EPHB2: variants seen among roughly 807,000 people sequenced by gnomAD.
EPHB2 encodes EPH receptor B2, also known as ephrin type-B receptor 2.
In EPHB2, 18 loss-of-function variants were observed where a neutral mutation model predicts 96.4. The observed-to-expected ratio is 0.19, with a 90% CI of 0.13 to 0.28. EPHB2 has a LOEUF of 0.28. Among genes scored for constraint, EPHB2 ranks in the 10% least tolerant of loss-of-function variants. The pLI is 1.00. For missense variants in EPHB2, 989 were observed against 1,355.4 expected, an observed-to-expected ratio of 0.73 and a Z score of 4.25; for synonymous variants, 506 against 534.1, an observed-to-expected ratio of 0.95 and a Z score of 0.72.
At chr1:22,801,617 C>T (rs775220114) in intron 3 of EPHB2, among the ~76,000 whole-genome samples, 17 of 152,128 alleles carry the variant, frequency 1.1e-4, no homozygotes, top group South Asian at 2.1e-4. Flanking sequence ...AGACCCCACA[C>T]GAGGGGATGG....
chr1:22,905,130 C>T (rs977852354), intron 9 of EPHB2, among the ~76,000 whole-genome samples: 4 of 152,214 alleles, frequency 2.6e-5, no homozygotes, highest in African/African-American at 9.6e-5. Flanking sequence ...AGCATTTTGC[C>T]GACTCAGTGC....
At chr1:22,820,868 A>G (rs191709033) in intron 3 of EPHB2, among the ~76,000 whole-genome samples, 4 of 152,376 alleles carry the variant, frequency 2.6e-5, no homozygotes, top group African/African-American at 7.2e-5. Context: ...CGCTCAGATT[A>G]TTGGTGCTAG....
At chr1:22,758,837 A>G (rs984355952) in intron 1 of EPHB2, among the ~76,000 whole-genome samples, 22 of 144,486 alleles carry the variant, frequency 1.5e-4, no homozygotes, top group African/African-American at 4.0e-4. Flanking sequence ...CCTGGTACCT[A>G]TTGGGGGCCC....
At chr1:22,771,440 T>G (rs1190868949) in intron 1 of EPHB2, among the ~76,000 whole-genome samples, 1 of 151,926 alleles carries the variant, frequency 6.6e-6, no homozygotes, top group Non-Finnish European at 1.5e-5. Context: ...AACTGTGGAG[T>G]GAGGCTGTGT....
intron 1 of EPHB2, among the ~76,000 whole-genome samples, chr1:22,737,453 T>C (rs559350026): frequency 6.6e-6 from 1 of 152,340 alleles, no homozygotes; most frequent in South Asian, 2.1e-4. Context: ...ATAGGTTTCA[T>C]ACATACATGT....
At chr1:22,730,025 G>A (rs781676816) in intron 1 of EPHB2, among the ~76,000 whole-genome samples, 4 of 152,238 alleles carry the variant, frequency 2.6e-5, no homozygotes, top group Non-Finnish European at 4.4e-5. Flanking sequence ...TTAATTGAAC[G>A]GAGTGGGATT....
Position 22,748,165 on chromosome 1 carries a change from T to C in EPHB2, c.62-33256T>C, listed in dbSNP as rs147958081. On this transcript the variant is annotated intron_variant, in intron 1 of 15. Transcript: ENST00000374630. ...CAATTTCACTGGGTTACTGTGAACA[T>C]TCAATGTGTTTCCACACGTGAAGCT... Among the ~76,000 whole-genome samples the C allele has an allele frequency of 2.2e-3, 328 of 152,330 alleles. 2 individuals carry two copies. Among genetic ancestry groups the C allele is most frequent in the South Asian group, 0.011 (53 of 4,824 alleles).
chr1:22,828,396 G>A (rs950750463), intron 3 of EPHB2, among the ~76,000 whole-genome samples: 4 of 152,164 alleles, frequency 2.6e-5, no homozygotes, highest in East Asian at 3.9e-4. Flanking sequence ...CAGCCCAGCC[G>A]TGCCCACCCC....
At chr1:22,852,536 C>T (rs1174790588) in intron 3 of EPHB2, among the ~76,000 whole-genome samples, 1 of 152,204 alleles carries the variant, frequency 6.6e-6, no homozygotes, top group African/African-American at 2.4e-5. Context: ...GCTCTCAGCC[C>T]CCACTGTGGG....
At chr1:22,800,128 C>T (rs1039664887) in intron 3 of EPHB2, 2 of 152,290 alleles carry the variant, frequency 1.3e-5, no homozygotes, top group Non-Finnish European at 2.9e-5. Context: ...CCCGGAGACC[C>T]GGGAGGGATG....
In EPHB2 at chr1:22,910,483, C is replaced by T; in HGVS notation, c.2604C>T (p.Asn868=). The T allele has an allele frequency of 1.9e-6, 3 of 1,613,096 alleles. No homozygotes were observed. Among genetic ancestry groups the T allele is most frequent in the Non-Finnish European group, 2.5e-6 (3 of 1,180,026 alleles). Residue 868 remains asparagine (N), a synonymous_variant, in exon 14 of 16, where the codon AAC becomes AAT. Coordinates refer to ENST00000374630, the MANE Select transcript of EPHB2 (RefSeq NM_017449.5). Reference sequence around the variant, plus strand: ...TGGACTGTTGGCAGAAGGACCGCAACCACCGGCCCAAGTTCGGCCAAATTG... The same window carrying T: ...TGGACTGTTGGCAGAAGGACCGCAATCACCGGCCCAAGTTCGGCCAAATTG... ...LMLDCWQKDR[N]HRPKFGQIVN...
chr1:22,796,312 G>T (rs1204402504), intron 3 of EPHB2, among the ~76,000 whole-genome samples: 1 of 152,186 alleles, frequency 6.6e-6, no homozygotes, highest in Non-Finnish European at 1.5e-5. Context: ...CTGCGGGGTG[G>T]GCTGGCCTGG....
intron 4 of EPHB2, among the ~76,000 whole-genome samples, chr1:22,864,226 T>C (rs1271841445): frequency 6.6e-6 from 1 of 152,136 alleles, no homozygotes; most frequent in Non-Finnish European, 1.5e-5. Context: ...TTTGTATTTT[T>C]AGTAGAGACG....
chr1:22,833,480 G>A (rs753091858), intron 3 of EPHB2, among the ~76,000 whole-genome samples: 2 of 152,198 alleles, frequency 1.3e-5, no homozygotes, highest in Non-Finnish European at 2.9e-5. Flanking sequence ...TAGAAGCTGG[G>A]AGGAATAGGA....
intron 3 of EPHB2, among the ~76,000 whole-genome samples, chr1:22,802,001 T>C (rs901263607): frequency 1.3e-5 from 2 of 152,042 alleles, no homozygotes; most frequent in Non-Finnish European, 2.9e-5. Context: ...GGGGCCTGCT[T>C]GTCATGCTGG....
intron 3 of EPHB2, among the ~76,000 whole-genome samples, chr1:22,822,068 TGTAA>T (rs1252352490): frequency 6.6e-6 from 1 of 152,182 alleles, no homozygotes; most frequent in Non-Finnish European, 1.5e-5. Flanking sequence ...CTACAATAAA[TGTAA>T]GTAAGTATCT....
chr1:22,804,318 A>G (rs542209541), intron 3 of EPHB2, among the ~76,000 whole-genome samples: 2 of 152,168 alleles, frequency 1.3e-5, no homozygotes, highest in South Asian at 4.2e-4. Flanking sequence ...CAATCAATCA[A>G]TCAATTCTTC....
chr1:22,743,269 C>T (rs933086168), intron 1 of EPHB2, among the ~76,000 whole-genome samples: 3 of 152,130 alleles, frequency 2.0e-5, no homozygotes, highest in African/African-American at 7.2e-5. Flanking sequence ...ATGGTCACAG[C>T]AACCCAGGGC....
At chr1:22,842,291 T>C (rs756378380) in intron 3 of EPHB2, among the ~76,000 whole-genome samples, 1 of 152,160 alleles carries the variant, frequency 6.6e-6, no homozygotes, top group African/African-American at 2.4e-5. Flanking sequence ...TCATGAAATA[T>C]TCCAAAGGAA....
Sources: allele counts gnomAD v4.1 joint callset (sites outside exome capture counted in the v4.1 genomes callset), GRCh38; gene constraint gnomAD v4.1.1; transcripts MANE v1.5; gene names NCBI Gene and HGNC (gene_info 2026-07-23, HGNC 2026-07-21).